Variants in RMST observed in about 807,000 individuals in gnomAD.
The protein encoded by RMST is long intergenic non-protein coding RNA 54.
chr12:97,501,833 A>G (rs1878108626), intron 10 of RMST, among the ~76,000 whole-genome samples: 1 of 152,186 alleles, frequency 6.6e-6, no homozygotes, highest in Non-Finnish European at 1.5e-5. Context: ...GCCTTAATAA[A>G]TAGATGACGC....
chr12:97,517,593 C>T (rs1880062723), intron 10 of RMST, among the ~76,000 whole-genome samples: 1 of 151,938 alleles, frequency 6.6e-6, no homozygotes, highest in Non-Finnish European at 1.5e-5. Context: ...TCAAATCAAT[C>T]ATCTTGAGCA....
chr12:97,531,347 G>A (rs557290262), intron 11 of RMST, among the ~76,000 whole-genome samples: 18 of 152,070 alleles, frequency 1.2e-4, no homozygotes, highest in East Asian at 9.7e-4. Flanking sequence ...GACTTAAGTC[G>A]CACAACATAA....
intron 5 of RMST, among the ~76,000 whole-genome samples, chr12:97,468,498 T>G (rs1236794985): frequency 1.3e-5 from 2 of 152,156 alleles, no homozygotes; most frequent in South Asian, 4.1e-4. Context: ...TTATGTTAGT[T>G]GACATTATTT....
At chr12:97,563,428 A>G (rs1443615936) in intron 13 of RMST, 1 of 224,372 alleles carries the variant, frequency 4.5e-6, no homozygotes, top group Non-Finnish European at 8.8e-6. Context: ...CTTTCTGGGG[A>G]AAAGTTGGAG....
chr12:97,543,791 G>C (rs576131108), intron 11 of RMST, among the ~76,000 whole-genome samples: 1 of 151,902 alleles, frequency 6.6e-6, no homozygotes. Flanking sequence ...CAAACTCACC[G>C]GTATGATCTT....
chr12:97,509,649 A>C (rs1879075046), intron 10 of RMST, among the ~76,000 whole-genome samples: 1 of 152,062 alleles, frequency 6.6e-6, no homozygotes, highest in Non-Finnish European at 1.5e-5. Flanking sequence ...ATACTGAATA[A>C]AGTCAGAATA....
chr12:97,495,334 G>C (rs1250198605), intron 9 of RMST, among the ~76,000 whole-genome samples: 3 of 152,042 alleles, frequency 2.0e-5, no homozygotes, highest in Non-Finnish European at 2.9e-5. Context: ...TGTGAGATAA[G>C]TGGCGATTGT....
chr12:97,465,553 G>A (rs1873089248), intron 4 of RMST: 3 of 152,168 alleles, frequency 2.0e-5, no homozygotes, highest in Admixed American at 6.5e-5. Flanking sequence ...ATAGGTATCA[G>A]GAAAGGCATT....
intron 5 of RMST, among the ~76,000 whole-genome samples, chr12:97,490,827 T>G (rs1876706643): frequency 6.6e-6 from 1 of 152,190 alleles, no homozygotes; most frequent in Non-Finnish European, 1.5e-5. Context: ...CATCTGAAGT[T>G]GGAAGTTTGC....
At chr12:97,551,171 T>TAAAAAAAAAA (rs371319102) in intron 11 of RMST, among the ~76,000 whole-genome samples, 2 of 132,322 alleles carry the variant, frequency 1.5e-5, no homozygotes, top group Non-Finnish European at 1.7e-5. Flanking sequence ...TCATTGTTTT[T>TAAAAAAAAAA]AAAAAAAAAA....
intron 11 of RMST, among the ~76,000 whole-genome samples, chr12:97,531,887 T>G (rs1463776497): frequency 6.6e-6 from 1 of 152,018 alleles, no homozygotes; most frequent in Admixed American, 6.6e-5. Context: ...GCATATCTAT[T>G]TTAATAAGCT....
intron 5 of RMST, among the ~76,000 whole-genome samples, chr12:97,482,803 TTAAA>T (rs1461740104): frequency 0.01 from 1,452 of 143,750 alleles, 78 homozygotes; most frequent in African/African-American, 0.036. Flanking sequence ...TATTTATTTA[TTAAA>T]TAAATTTATA....
chr12:97,499,170 T>C (rs1029719109), intron 10 of RMST, among the ~76,000 whole-genome samples: 1 of 152,224 alleles, frequency 6.6e-6, no homozygotes, highest in African/African-American at 2.4e-5. Flanking sequence ...GTTTTGTATC[T>C]AGTTATACCT....
At position 97,495,463 on chromosome 12, in the gene RMST, G is replaced by A. The variant is rs556796016; in HGVS notation, n.1215-468G>A. Among the ~76,000 whole-genome samples the A allele has an allele frequency of 8.2e-4, 124 of 152,134 alleles. 3 individuals are homozygous for A. In the South Asian group the frequency reaches 0.025, roughly 31 times the overall value. ...CCAGGTACCTGTTGATGCAATATGA[G>A]GATACTAAAATATCTAGCCTTCTAT... On this transcript the variant is annotated intron_variant and non_coding_transcript_variant, in intron 9 of 13. Coordinates refer to ENST00000640149, the Ensembl canonical transcript of RMST.
intron 5 of RMST, among the ~76,000 whole-genome samples, chr12:97,487,199 C>T (rs1439455027): frequency 6.6e-6 from 1 of 152,108 alleles, no homozygotes; most frequent in Non-Finnish European, 1.5e-5. Flanking sequence ...AGAATTAATT[C>T]ACATTCATTT....
chr12:97,524,075 C>CAGAGGAAAA, intron 10 of RMST, among the ~76,000 whole-genome samples: 1 of 56,118 alleles, frequency 1.8e-5, no homozygotes, highest in Non-Finnish European at 3.2e-5. Context: ...GACTCTGTCT[C>CAGAGGAAAA]AAAAAAAAAA....
intron 10 of RMST, among the ~76,000 whole-genome samples, chr12:97,503,797 T>A (rs1265917991): frequency 6.6e-6 from 1 of 152,256 alleles, no homozygotes; most frequent in Non-Finnish European, 1.5e-5. Flanking sequence ...ACACACTTTC[T>A]ATTCCCATCT....
chr12:97,482,693 T>TA, intron 5 of RMST, among the ~76,000 whole-genome samples: 1 of 73,922 alleles, frequency 1.4e-5, no homozygotes, highest in African/African-American at 7.6e-5. Flanking sequence ...ATTTATTATT[T>TA]ATTTAATAAA....
intron 10 of RMST, among the ~76,000 whole-genome samples, chr12:97,505,826 C>T (rs1260192970): frequency 1.3e-5 from 2 of 151,910 alleles, no homozygotes; most frequent in Non-Finnish European, 2.9e-5. Context: ...TCCTTGTTAC[C>T]AAAAAAATTC....
Sources: gnomAD v4.1 joint callset for allele counts (sites outside exome capture counted in the v4.1 genomes callset) on GRCh38, gnomAD v4.1.1 for gene constraint, MANE v1.5 for transcripts, NCBI Gene and HGNC (gene_info 2026-07-23, HGNC 2026-07-21) for gene names.